SLC7A14: variants seen among roughly 807,000 people sequenced by gnomAD.
SLC7A14 encodes gamma-aminobutyric acid transporter SLC7A14.
SLC7A14 carries 37 observed loss-of-function variants against 60.2 expected under a neutral mutation model. The observed-to-expected ratio is 0.61, with a 90% confidence interval of 0.47 to 0.81. The LOEUF is 0.81. Among genes scored for constraint, SLC7A14 ranks in the 30% least tolerant of loss-of-function variants. SLC7A14 has a pLI of 0.00. For synonymous variants in SLC7A14, 399 were observed against 395.8 expected (o/e 1.01, Z -0.10); for missense variants, 886 against 982.7 (o/e 0.90, Z 1.32).
Position 170,467,238 on chromosome 3 carries a change from G to T in SLC7A14, c.2133C>A (p.Ala711=). Reference sequence around the variant, plus strand: ...AGTCCTCCTGGCTCTCGCCCTCTGTGGCGTAGGAGAAACCCTCCTCCACTG... The same window carrying T: ...AGTCCTCCTGGCTCTCGCCCTCTGTTGCGTAGGAGAAACCCTCCTCCACTG... ...PFSVEEGFSY[A]TEGESQEDWG... The change falls in exon 8 of 8, where the codon GCC becomes GCA. Residue 711 remains alanine (A), a synonymous_variant. Coordinates refer to ENST00000231706, the MANE Select transcript of SLC7A14 (RefSeq NM_020949.3). 6.2e-7 allele frequency: 1 copy of T among 1,614,260 alleles called. No homozygotes were observed. Among genetic ancestry groups the T allele is most frequent in the Non-Finnish European group, 8.5e-7 (1 of 1,180,052 alleles).
chr3:170,550,261 G>T (rs1036825764), intron 1 of SLC7A14, among the ~76,000 whole-genome samples: 2 of 152,104 alleles, frequency 1.3e-5, no homozygotes, highest in African/African-American at 4.8e-5. Flanking sequence ...ATAATATGAA[G>T]AAGAACTAGA....
At chr3:170,579,911 G>A (rs752595943) in intron 1 of SLC7A14, among the ~76,000 whole-genome samples, 8 of 152,210 alleles carry the variant, frequency 5.3e-5, no homozygotes, top group Admixed American at 3.3e-4. Flanking sequence ...GGGCTGATTT[G>A]TGCTTTGTTT....
chr3:170,498,228 A>C (rs1037236849), intron 4 of SLC7A14, among the ~76,000 whole-genome samples: 4 of 152,230 alleles, frequency 2.6e-5, no homozygotes, highest in Non-Finnish European at 5.9e-5. Context: ...GGAGCCAGGC[A>C]GTCGTGGCTG....
At chr3:170,567,471 G>A (rs1458434202) in intron 1 of SLC7A14, among the ~76,000 whole-genome samples, 6 of 151,906 alleles carry the variant, frequency 3.9e-5, no homozygotes, top group East Asian at 3.9e-4. Context: ...GTAAACATAC[G>A]TGTGCATGTG....
In SLC7A14 at chr3:170,469,935, G is replaced by A. The variant is rs548878712; in HGVS notation, c.1994-2558C>T. 1.7e-4 allele frequency among the ~76,000 whole-genome samples: 26 copies of A among 152,082 alleles called. No individual in the cohort carries two copies. In the South Asian group the frequency reaches 3.9e-3, roughly 23 times the overall value. On this transcript the variant is annotated intron_variant, in intron 7 of 7. Transcript: ENST00000231706. ...TGACATCACTCATCACTGGTTTGTC[G>A]ATTCCAACAGACCTGTCCCTGCCCC...
rs998087912 is a variant in SLC7A14, at chr3:170,501,208, C to G, written c.442G>C (p.Ala148Pro). 3 of 1,614,238 alleles carry G rather than the reference C, an allele frequency of 1.9e-6. No individual in the cohort carries two copies. The highest frequency in any genetic ancestry group is 1.7e-6 in the Non-Finnish European group (2 of 1,180,048). Residue 148 changes from alanine (A) to proline (P), a missense_variant, in exon 3 of 8, where the codon GCG becomes CCG. Coordinates refer to ENST00000231706, the MANE Select transcript of SLC7A14 (RefSeq NM_020949.3). Reference sequence around the variant, plus strand: ...CTGCTCAGAGCACTGGCTCCGGCCGCAGTGCCAATCAGGTACTCCAGGATC... The same window carrying G: ...CTGCTCAGAGCACTGGCTCCGGCCGGAGTGCCAATCAGGTACTCCAGGATC... ...NLILEYLIGT[A>P]AGASALSSMF... is the part of the protein sequence containing the mutation.
At chr3:170,471,469 C>T (rs1739907169) in intron 7 of SLC7A14, among the ~76,000 whole-genome samples, 2 of 152,042 alleles carry the variant, frequency 1.3e-5, no homozygotes. Context: ...TTTGAGTATG[C>T]ATCTCTAAAA....
rs1188062637 is a variant in SLC7A14 at position 170,585,575 on chromosome 3, C to T, written c.-153+336G>A. Among the ~76,000 whole-genome samples the T allele has an allele frequency of 2.0e-5, 3 of 152,180 alleles. No homozygotes were observed. Among genetic ancestry groups the T allele is most frequent in the African/African-American group, 7.2e-5 (3 of 41,464 alleles). On this transcript the variant is annotated intron_variant, in intron 1 of 7. Coordinates refer to ENST00000231706, the MANE Select transcript of SLC7A14 (RefSeq NM_020949.3). This position sits in a 1 kb window ranked among gnomAD's most constrained non-coding sequence, Gnocchi z 5.1. Reference sequence around the variant, plus strand: ...CCGCATTCCGCTCGCGGCTCCCCTTCTGCCTCCCGCTCTAGCGGCGCCGGA... The same window carrying T: ...CCGCATTCCGCTCGCGGCTCCCCTTTTGCCTCCCGCTCTAGCGGCGCCGGA...
rs924892277 is a variant in SLC7A14 at position 170,463,841 on chromosome 3, A to C, written c.*3214T>G. The stretch of plus-strand genomic sequence containing the variant: ...CAATCATCAGGTATTTCTTGAATAC[A>C]CACTATATGCCAGGCACATGTAGCT... On this transcript the variant is annotated 3_prime_UTR_variant, in exon 8 of 8. Coordinates refer to ENST00000231706, the MANE Select transcript of SLC7A14 (RefSeq NM_020949.3). 1 of 152,252 alleles carries C rather than the reference A, an allele frequency of 6.6e-6. No homozygotes were observed. Among genetic ancestry groups the C allele is most frequent in the Non-Finnish European group, 1.5e-5 (1 of 68,050 alleles). The allele number at this position is 152,252 out of a possible 1,614,324, so 9.4% of individuals were successfully genotyped here.
chr3:170,518,126 C>G (rs1713227227), intron 2 of SLC7A14, among the ~76,000 whole-genome samples: 1 of 152,146 alleles, frequency 6.6e-6, no homozygotes, highest in Non-Finnish European at 1.5e-5. Context: ...GGTTCCTCAT[C>G]TGTAGAGCAG....
intron 1 of SLC7A14, among the ~76,000 whole-genome samples, chr3:170,574,175 C>T (rs1715026796): frequency 6.6e-6 from 1 of 152,182 alleles, no homozygotes; most frequent in Non-Finnish European, 1.5e-5. Context: ...ATAATCTTTA[C>T]TGAAATACCA....
intron 1 of SLC7A14, among the ~76,000 whole-genome samples, chr3:170,542,307 G>C (rs1458843468): frequency 6.6e-6 from 1 of 152,148 alleles, no homozygotes; most frequent in Non-Finnish European, 1.5e-5. Context: ...GACTCTCCCA[G>C]AGGCAACTAA....
intron 3 of SLC7A14, among the ~76,000 whole-genome samples, chr3:170,499,333 A>G (rs1158138290): frequency 1.3e-5 from 2 of 150,024 alleles, no homozygotes; most frequent in East Asian, 1.9e-4. Context: ...TGCCTATGCT[A>G]TAGTCCACAA....
intron 1 of SLC7A14, among the ~76,000 whole-genome samples, chr3:170,567,367 C>T (rs1196853059): frequency 1.3e-5 from 2 of 149,690 alleles, no homozygotes; most frequent in African/African-American, 2.4e-5. Flanking sequence ...CATAGTATTC[C>T]ATGGTGTATA....
At chr3:170,504,407 A>G (rs974021456) in intron 2 of SLC7A14, among the ~76,000 whole-genome samples, 1 of 151,626 alleles carries the variant, frequency 6.6e-6, no homozygotes, top group South Asian at 2.1e-4. Context: ...TGCAACCTCC[A>G]CCTCCTGGGT....
chr3:170,562,722 G>C (rs1461426285), intron 1 of SLC7A14, among the ~76,000 whole-genome samples: 1 of 152,106 alleles, frequency 6.6e-6, no homozygotes, highest in Non-Finnish European at 1.5e-5. Flanking sequence ...TCATTGTTTA[G>C]CTGCAGCCTT....
intron 1 of SLC7A14, among the ~76,000 whole-genome samples, chr3:170,576,056 C>T (rs1455883437): frequency 6.6e-6 from 1 of 152,208 alleles, no homozygotes; most frequent in African/African-American, 2.4e-5. Flanking sequence ...ATAGCTTTCT[C>T]TCTCATTTAT....
intron 1 of SLC7A14, among the ~76,000 whole-genome samples, chr3:170,546,784 TA>T (rs1714192714): frequency 6.6e-6 from 1 of 152,094 alleles, no homozygotes; most frequent in Admixed American, 6.5e-5. Context: ...CGTCTCCAGT[TA>T]TTTTTTTTCT....
At position 170,481,247 on chromosome 3, in the gene SLC7A14, T is replaced by A. The variant is rs1023820337; in HGVS notation, c.1116-81A>T. 2.1e-6 allele frequency: 3 copies of A among 1,431,004 alleles called. No homozygotes were observed. The African/African-American group carries it at 4.3e-5, about 20-fold the overall frequency. 88.6% of individuals were successfully genotyped at this position (1,431,004 alleles called of 1,614,324 possible). On this transcript the variant is annotated intron_variant, in intron 6 of 7. Transcript: ENST00000231706. The stretch of plus-strand genomic sequence containing the variant: ...TGCAGCCAACATAGGGAGCTAGAAC[T>A]ATCAATAGGCTGGTGTGATTAACTC...
Sources: allele counts gnomAD v4.1 joint callset (sites outside exome capture counted in the v4.1 genomes callset), GRCh38; gene constraint gnomAD v4.1.1; non-coding constraint Gnocchi (gnomAD v3.1); transcripts MANE v1.5; gene names NCBI Gene and HGNC (gene_info 2026-07-23, HGNC 2026-07-21).